The following NEK11 variants were observed in gnomAD, a reference collection of about 807,000 sequenced individuals.
NEK11 encodes the protein NIMA related kinase 11.
A neutral mutation model predicts 80.7 loss-of-function variants in NEK11; 72 were observed. The ratio of observed to expected loss-of-function variants is 0.89; its 90% confidence interval spans 0.74 to 1.08. NEK11 has a LOEUF of 1.08. Ranked by LOEUF, NEK11 falls within the 50% of genes least tolerant of loss-of-function variation. The pLI, the probability that NEK11 is intolerant of heterozygous loss-of-function variation, is 0.00. For missense variants in NEK11, 764 were observed against 763.6 expected, an observed-to-expected ratio of 1.00 and a Z score of -0.01; for synonymous variants, 251 against 260.7, an observed-to-expected ratio of 0.96 and a Z score of 0.36.
chr3:131,249,694 C>G (rs2095665762), intron 16 of NEK11, among the ~76,000 whole-genome samples: 1 of 152,272 alleles, frequency 6.6e-6, no homozygotes, highest in African/African-American at 2.4e-5. Context: ...AAAGCATGGA[C>G]TCTTTAGAAG....
chr3:131,323,189 G>C (rs769349271), intron 17 of NEK11, among the ~76,000 whole-genome samples: 2 of 152,092 alleles, frequency 1.3e-5, no homozygotes, highest in Non-Finnish European at 2.9e-5. Flanking sequence ...ACCTTAACGA[G>C]GAATTTTCTC....
At position 131,238,444 on chromosome 3, in the gene NEK11, A is replaced by T. The variant is rs1184808872; in HGVS notation, c.1561-4992A>T. Reference sequence around the variant, plus strand: ...TATTGTGGAATACGTGAATGAATGGATGCAGTGTACAGTCTAGTGGTACAG... The same window carrying T: ...TATTGTGGAATACGTGAATGAATGGTTGCAGTGTACAGTCTAGTGGTACAG... On this transcript the variant is annotated intron_variant, in intron 15 of 17. Coordinates refer to ENST00000383366, the MANE Select transcript of NEK11 (RefSeq NM_024800.5). Among the ~76,000 whole-genome samples the T allele has an allele frequency of 2.6e-5, 4 of 152,198 alleles. No homozygotes were observed. In the East Asian group the frequency reaches 7.7e-4, roughly 29 times the overall value.
intron 17 of NEK11, among the ~76,000 whole-genome samples, chr3:131,288,450 C>CTTTCTTTCTTTTTTT (rs536834704): frequency 3.5e-5 from 4 of 115,396 alleles, no homozygotes; most frequent in African/African-American, 1.2e-4. Flanking sequence ...TTCTTTCTTT[C>CTTTCTTTCTTTTTTT]TTTTTTTTTT....
intron 3 of NEK11, among the ~76,000 whole-genome samples, chr3:131,049,463 T>C (rs558356875): frequency 6.6e-6 from 1 of 152,336 alleles, no homozygotes; most frequent in African/African-American, 2.4e-5. Context: ...ACTCTATACG[T>C]CATTTATTTT....
At chr3:131,250,849 A>G (rs1170729769) in intron 16 of NEK11, among the ~76,000 whole-genome samples, 1 of 152,142 alleles carries the variant, frequency 6.6e-6, no homozygotes, top group Admixed American at 6.6e-5. Context: ...TTAGAAAACT[A>G]AACAAAGTGA....
chr3:131,042,971 G>A (rs1276325292), intron 3 of NEK11, among the ~76,000 whole-genome samples: 5 of 152,196 alleles, frequency 3.3e-5, no homozygotes, highest in Non-Finnish European at 7.3e-5. Context: ...CAGGCAAACG[G>A]GGTTTGGAGT....
At chr3:131,324,499 G>A (rs138046174) in intron 17 of NEK11, among the ~76,000 whole-genome samples, 212 of 152,200 alleles carry the variant, frequency 1.4e-3, no homozygotes, top group African/African-American at 4.9e-3. Flanking sequence ...AGTTATGCTT[G>A]GTAAAGAAAT....
intron 17 of NEK11, among the ~76,000 whole-genome samples, chr3:131,337,458 A>T (rs968239499): frequency 9.3e-5 from 14 of 150,292 alleles, no homozygotes; most frequent in African/African-American, 3.2e-4. Context: ...CACTCTGGGG[A>T]CTGTTGTGGG....
chr3:131,169,812 A>C (rs548607494), intron 13 of NEK11, among the ~76,000 whole-genome samples: 1 of 152,302 alleles, frequency 6.6e-6, no homozygotes, highest in African/African-American at 2.4e-5. Context: ...TGAGAGTCCA[A>C]ATACATACTT....
intron 7 of NEK11, among the ~76,000 whole-genome samples, chr3:131,141,836 C>G (rs909347110): frequency 1.3e-5 from 2 of 151,938 alleles, no homozygotes; most frequent in Admixed American, 6.6e-5. Flanking sequence ...GACTGAAGGG[C>G]GGGCAGGGGT....
At chr3:131,219,092 A>G (rs1038789170) in intron 14 of NEK11, among the ~76,000 whole-genome samples, 3 of 152,206 alleles carry the variant, frequency 2.0e-5, no homozygotes, top group Admixed American at 1.3e-4. Flanking sequence ...ACACATGCAC[A>G]TGTATGTTTA....
Position 131,239,135 on chromosome 3 carries a change from G to C in NEK11, c.1561-4301G>C, listed in dbSNP as rs546435524. Among the ~76,000 whole-genome samples the C allele has an allele frequency of 5.9e-5, 9 of 152,046 alleles. No homozygotes were observed. The South Asian group carries it at 1.9e-3, about 32-fold the overall frequency. On this transcript the variant is annotated intron_variant, in intron 15 of 17. Transcript: ENST00000383366. ...TCAGGAAAAAAAAAACATGGGTCCA[G>C]AGTGACTCTGGGTGAGGAGGGAAGA...
At chr3:131,144,302 GTTGTCT>G (rs1247506873) in intron 7 of NEK11, among the ~76,000 whole-genome samples, 1 of 152,052 alleles carries the variant, frequency 6.6e-6, no homozygotes, top group African/African-American at 2.4e-5. Flanking sequence ...TCTCTTCACA[GTTGTCT>G]GTATTTTGGA....
At chr3:131,186,593 C>T (rs2093611786) in intron 14 of NEK11, among the ~76,000 whole-genome samples, 1 of 152,172 alleles carries the variant, frequency 6.6e-6, no homozygotes, top group Admixed American at 6.6e-5. Context: ...AGAAGACGCT[C>T]CTTTGCCAGC....
chr3:131,037,360 T>G (rs2065810666), intron 3 of NEK11, among the ~76,000 whole-genome samples: 2 of 151,738 alleles, frequency 1.3e-5, no homozygotes, highest in African/African-American at 4.8e-5. Flanking sequence ...CTCAGCTCAC[T>G]GCAGCCTCCA....
chr3:131,252,179 A>C (rs2095716519), intron 16 of NEK11, among the ~76,000 whole-genome samples: 1 of 152,230 alleles, frequency 6.6e-6, no homozygotes. Context: ...TTTAAGCTTA[A>C]GTATGTCAGA....
chr3:131,267,972 T>C (rs1031034198), intron 16 of NEK11, among the ~76,000 whole-genome samples: 1 of 152,230 alleles, frequency 6.6e-6, no homozygotes, highest in Non-Finnish European at 1.5e-5. Flanking sequence ...TATTCATTCC[T>C]TTTCATTCTT....
At chr3:131,304,073 CTT>C (rs1009240082) in intron 17 of NEK11, among the ~76,000 whole-genome samples, 3 of 152,164 alleles carry the variant, frequency 2.0e-5, no homozygotes, top group African/African-American at 2.4e-5. Flanking sequence ...GATTTGGTCT[CTT>C]TACATAATTC....
At chr3:131,128,642 A>G (rs1171607854) in intron 5 of NEK11, among the ~76,000 whole-genome samples, 1 of 152,248 alleles carries the variant, frequency 6.6e-6, no homozygotes, top group Non-Finnish European at 1.5e-5. Context: ...TTGTGTGGAC[A>G]TAGTTTTTAA....
Sources: allele counts gnomAD v4.1 joint callset (sites outside exome capture counted in the v4.1 genomes callset), GRCh38; gene constraint gnomAD v4.1.1; transcripts MANE v1.5; gene names NCBI Gene and HGNC (gene_info 2026-07-23, HGNC 2026-07-21).